Variants in TMPRSS9 observed in about 807,000 individuals in gnomAD.
TMPRSS9 encodes the protein transmembrane serine protease 9.
TMPRSS9 carries 113 observed loss-of-function variants against 111.4 expected under a neutral mutation model. That is an observed-to-expected ratio of 1.01 (90% CI 0.87 to 1.19). The LOEUF (loss-of-function observed/expected upper bound fraction) is 1.19. TMPRSS9 is among the 50% of genes most tolerant of loss of function. The pLI is 0.00. For synonymous variants in TMPRSS9, 805 were observed against 659.1 expected (o/e 1.22, Z -3.39); for missense variants, 1,803 against 1,513.1 (o/e 1.19, Z -3.18).
In TMPRSS9 at chr19:2,417,609, C is replaced by G. The variant is rs992890618; in HGVS notation, c.2018-393C>G. Among the ~76,000 whole-genome samples, 3 of 152,274 alleles carry G rather than the reference C, an allele frequency of 2.0e-5. No individual in the cohort carries two copies. The South Asian group carries it at 6.2e-4, about 32-fold the overall frequency. On this transcript the variant is annotated intron_variant, in intron 12 of 17. Transcript: ENST00000648592. Reference sequence around the variant, plus strand: ...GCCGCAGTGAGCCATGATCATGCCACTGCACTCCAGCCTGGGCAACAGAGC... The same window carrying G: ...GCCGCAGTGAGCCATGATCATGCCAGTGCACTCCAGCCTGGGCAACAGAGC...
chr19:2,421,390 G>A (rs935216145), intron 13 of TMPRSS9, among the ~76,000 whole-genome samples: 10 of 151,224 alleles, frequency 6.6e-5, no homozygotes, highest in African/African-American at 1.9e-4. Context: ...CCGGGTTCAC[G>A]CCATTCTCCT....
intron 1 of TMPRSS9, among the ~76,000 whole-genome samples, chr19:2,384,208 C>T (rs534418698): frequency 6.6e-6 from 1 of 152,262 alleles, no homozygotes; most frequent in Admixed American, 6.6e-5. Context: ...TCTCCGCCCA[C>T]GCAGCAGACA....
chr19:2,363,121 C>A (rs1164882656), intron 1 of TMPRSS9, among the ~76,000 whole-genome samples: 1 of 152,220 alleles, frequency 6.6e-6, no homozygotes, highest in Non-Finnish European at 1.5e-5. Flanking sequence ...CGTGTGTGCC[C>A]CGCTGCCCAC....
chr19:2,406,341 T>A (rs957602127), intron 7 of TMPRSS9, among the ~76,000 whole-genome samples: 2 of 148,846 alleles, frequency 1.3e-5, no homozygotes, highest in African/African-American at 5.0e-5. Flanking sequence ...TTATTTTTTC[T>A]TTTGAGACAG....
At chr19:2,406,097 G>A (rs1353199228) in intron 7 of TMPRSS9, among the ~76,000 whole-genome samples, 6 of 136,614 alleles carry the variant, frequency 4.4e-5, no homozygotes, top group South Asian at 2.4e-4. Context: ...TGCAAGCTCC[G>A]CCTCCCGGGT....
upstream of TMPRSS9, among the ~76,000 whole-genome samples, chr19:2,387,288 A>G (rs1041733205): frequency 2.0e-5 from 3 of 152,266 alleles, no homozygotes; most frequent in South Asian, 2.1e-4. Context: ...TGAGGTCAGG[A>G]GTTCGAGACC....
intron 1 of TMPRSS9, among the ~76,000 whole-genome samples, chr19:2,363,113 T>C (rs1056061836): frequency 5.9e-5 from 9 of 152,196 alleles, no homozygotes; most frequent in African/African-American, 2.2e-4. Context: ...TGGGAGTCCG[T>C]GTGTGCCCCG....
chr19:2,389,309 A>G (rs1970537661), upstream of TMPRSS9, among the ~76,000 whole-genome samples: 1 of 150,908 alleles, frequency 6.6e-6, no homozygotes, highest in Non-Finnish European at 1.5e-5. Context: ...TCTTGACCTC[A>G]AGTGATTCAC....
intron 1 of TMPRSS9, among the ~76,000 whole-genome samples, chr19:2,391,076 G>A (rs1970581472): frequency 6.8e-6 from 1 of 148,034 alleles, no homozygotes; most frequent in South Asian, 2.2e-4. Flanking sequence ...AGGTAGGCAG[G>A]AAGGAAGGAA....
At chr19:2,383,104 A>T (rs1458313823) in intron 1 of TMPRSS9, among the ~76,000 whole-genome samples, 1 of 152,192 alleles carries the variant, frequency 6.6e-6, no homozygotes, top group African/African-American at 2.4e-5. Flanking sequence ...CTGTAATCTC[A>T]GCACTTTGGG....
At chr19:2,364,518 G>T (rs749679123) in intron 1 of TMPRSS9, among the ~76,000 whole-genome samples, 7 of 152,070 alleles carry the variant, frequency 4.6e-5, no homozygotes, top group Non-Finnish European at 1.0e-4. Flanking sequence ...AAAGTGCTGA[G>T]ATTACAGGCG....
chr19:2,418,104 C>G (rs1389045169), exon 13 of TMPRSS9: 1 of 1,612,186 alleles, frequency 6.2e-7, no homozygotes, highest in South Asian at 1.1e-5. Context: ...ATGATCTGCG[C>G]AGGCTTCCTG....
intron 1 of TMPRSS9, among the ~76,000 whole-genome samples, chr19:2,382,162 A>C (rs1970392826): frequency 6.6e-6 from 1 of 151,986 alleles, no homozygotes; most frequent in African/African-American, 2.4e-5. Flanking sequence ...TTAACAACCA[A>C]AACGTTTCTT....
chr19:2,396,513 C>T (rs752282502), intron 1 of TMPRSS9, 26 bp from the exon 3 acceptor site: 20 of 1,573,308 alleles, frequency 1.3e-5, no homozygotes, highest in Non-Finnish European at 1.6e-5. Context: ...GGTGGGCTCT[C>T]TCACGGGCCC....
exon 14 of TMPRSS9, chr19:2,422,191 G>A: frequency 6.5e-7 from 1 of 1,538,878 alleles, no homozygotes. Flanking sequence ...ACCACTGCTA[G>A]GGGACAGACG....
At chr19:2,414,516 G>T (rs576971740) in intron 10 of TMPRSS9, among the ~76,000 whole-genome samples, 2 of 152,204 alleles carry the variant, frequency 1.3e-5, no homozygotes, top group East Asian at 3.9e-4. Flanking sequence ...GGGATGACAG[G>T]TGTGAGCCAC....
chr19:2,399,651 C>T (rs995749310), intron 4 of TMPRSS9, among the ~76,000 whole-genome samples: 4 of 152,030 alleles, frequency 2.6e-5, no homozygotes, highest in Non-Finnish European at 5.9e-5. Flanking sequence ...GGTCAGCCAT[C>T]TTGTTCTGTA....
chr19:2,363,789 A>AGTGTGT (rs1195621397), intron 1 of TMPRSS9, among the ~76,000 whole-genome samples: 2 of 90,700 alleles, frequency 2.2e-5, no homozygotes, highest in African/African-American at 1.0e-4. Flanking sequence ...TCTGTGTGTG[A>AGTGTGT]GTGTGTGTGT....
intron 13 of TMPRSS9, among the ~76,000 whole-genome samples, chr19:2,421,074 C>T (rs1486239201): frequency 6.6e-6 from 1 of 151,618 alleles, no homozygotes; most frequent in Non-Finnish European, 1.5e-5. Context: ...GGCGTTGTGG[C>T]TTATGCCTGT....
Sources: allele counts gnomAD v4.1 joint callset (sites outside exome capture counted in the v4.1 genomes callset), GRCh38; gene constraint gnomAD v4.1.1; transcripts MANE v1.5; gene names NCBI Gene and HGNC (gene_info 2026-07-23, HGNC 2026-07-21).